The following MARK4 variants were observed in gnomAD, a reference collection of about 807,000 sequenced individuals.
The protein encoded by MARK4 is MAP/microtubule affinity-regulating kinase 4.
Under a neutral mutation model 81.5 loss-of-function variants are expected in MARK4, and 19 were observed. The observed-to-expected ratio is 0.23, with a 90% CI of 0.16 to 0.34. MARK4 has a LOEUF of 0.34. Ranked by LOEUF, MARK4 falls within the 10% of genes least tolerant of loss-of-function variation. The probability of loss-of-function intolerance (pLI) is 1.00; values close to 1 mark genes in which losing one functional copy is unlikely to be tolerated. For synonymous variants in MARK4, 436 were observed against 439.0 expected (o/e 0.99, Z 0.08); for missense variants, 772 against 1,058.8 (o/e 0.73, Z 3.76).
intron 2 of MARK4, among the ~76,000 whole-genome samples, chr19:45,260,697 AAAATAAAT>A (rs71173135): frequency 0.44 from 66,384 of 151,066 alleles, 15,901 homozygotes; most frequent in Non-Finnish European, 0.55. Flanking sequence ...ACCATCTCAA[AAAATAAAT>A]AAATAAATAA....
At chr19:45,282,306 A>C (rs917292646) in intron 12 of MARK4, among the ~76,000 whole-genome samples, 1 of 151,790 alleles carries the variant, frequency 6.6e-6, no homozygotes, top group African/African-American at 2.4e-5. Flanking sequence ...CCCTTCACCC[A>C]CACACTCATC....
In MARK4 at chr19:45,302,604, A is replaced by G; in HGVS notation, c.2153A>G (p.Gln718Arg). Residue 718 changes from glutamine (Q) to arginine (R), a missense_variant, in exon 17 of 17, where the codon CAG becomes CGG. Physicochemically the swap from Gln to Arg is conservative, Grantham distance 43 (BLOSUM62 1). Transcript: ENST00000262891. The surrounding 1 kb of genome is among the most constrained non-coding windows in gnomAD (Gnocchi z 4.9). Reference protein sequence around the residue: ...PLSHFEVEVCQLPRPGLRGVL... With the variant: ...PLSHFEVEVCRLPRPGLRGVL... ...TCCCACTTCGAAGTGGAGGTCTGCC[A>G]GCTGCCCCGGCCAGGCTTGCGGGGA... The G allele has an allele frequency of 6.4e-7, 1 of 1,563,578 alleles. No individual in the cohort carries two copies. The highest frequency in any genetic ancestry group is 8.6e-7 in the Non-Finnish European group (1 of 1,161,674).
At chr19:45,290,649 C>T (rs1568501850) in intron 13 of MARK4, among the ~76,000 whole-genome samples, 1 of 152,182 alleles carries the variant, frequency 6.6e-6, no homozygotes, top group Non-Finnish European at 1.5e-5. Flanking sequence ...TTAACTGTCC[C>T]TGACTGTTGG....
intron 2 of MARK4, among the ~76,000 whole-genome samples, chr19:45,260,793 C>T (rs1970371390): frequency 6.6e-6 from 1 of 152,086 alleles, no homozygotes; most frequent in Admixed American, 6.6e-5. Context: ...ACTTTGGTTC[C>T]TTGAAATCTT....
At chr19:45,278,495 C>A (rs762040398) in intron 9 of MARK4, 21 bp from the exon 10 acceptor site, 12 of 1,607,652 alleles carry the variant, frequency 7.5e-6, no homozygotes, top group African/African-American at 1.3e-5. Flanking sequence ...CTTCCCCCTT[C>A]CCTGCTCCTG....
chr19:45,257,150 G>A (rs924122566), intron 1 of MARK4, among the ~76,000 whole-genome samples: 27 of 151,378 alleles, frequency 1.8e-4, no homozygotes, highest in African/African-American at 5.3e-4. Flanking sequence ...TTCTAGAGAT[G>A]GGTGTCTCGC....
At position 45,271,397 on chromosome 19, in the gene MARK4, C is replaced by A; in HGVS notation, c.550-75C>A. ...GTGGGCCAGCCCTAGAGCCTGTGCT[C>A]CTGTCTGCCTCCCACGTCCATGAAA... is the stretch of plus-strand genomic sequence containing the variant. On this transcript the variant is annotated intron_variant, in intron 7 of 16. Transcript: ENST00000262891. This position sits in a 1 kb window ranked among gnomAD's most constrained non-coding sequence, Gnocchi z 4.1. The A allele has an allele frequency of 6.9e-7, 1 of 1,449,958 alleles. No homozygotes were observed. The highest frequency in any genetic ancestry group is 1.2e-5 in the South Asian group (1 of 80,086). 89.8% of individuals were successfully genotyped at this position (1,449,958 alleles called of 1,614,324 possible). A position where few individuals can be genotyped will look rare whatever the true frequency, so the allele number is the denominator to read the frequency against.
intron 16 of MARK4, among the ~76,000 whole-genome samples, chr19:45,300,788 T>TA (rs1175322061): frequency 1.3e-5 from 2 of 152,122 alleles, no homozygotes; most frequent in Non-Finnish European, 2.9e-5. Flanking sequence ...TGCTCATTCC[T>TA]AAACCAATGC....
chr19:45,293,813 C>G (rs1970849634), intron 13 of MARK4, among the ~76,000 whole-genome samples: 1 of 152,160 alleles, frequency 6.6e-6, no homozygotes, highest in African/African-American at 2.4e-5. Context: ...GTGGGGAGCC[C>G]AGGGGCCTGT....
intron 14 of MARK4, among the ~76,000 whole-genome samples, chr19:45,296,494 C>T (rs138930326): frequency 0.013 from 1,940 of 152,290 alleles, 31 homozygotes; most frequent in African/African-American, 0.044. Context: ...TTTGTAAAGG[C>T]GTCACCCAGA....
chr19:45,302,881 A>C lies in MARK4; in HGVS notation c.*171A>C. On this transcript the variant is annotated 3_prime_UTR_variant, in exon 17 of 17. Coordinates refer to ENST00000262891, the MANE Select transcript of MARK4 (RefSeq NM_001199867.2). The surrounding 1 kb of genome is among the most constrained non-coding windows in gnomAD (Gnocchi z 4.9). ...GCTGTTCTCTGGGGCCGCTCAGCAC[A>C]GAAGAAGGATGAGGGGGCTCAGCGG... is the stretch of plus-strand genomic sequence containing the variant. 1 of 1,111,078 alleles carries C rather than the reference A, an allele frequency of 9.0e-7. No individual in the cohort carries two copies. The highest frequency in any genetic ancestry group is 1.6e-5 in the South Asian group (1 of 60,668). 68.8% of individuals were successfully genotyped at this position (1,111,078 alleles called of 1,614,324 possible).
chr19:45,290,173 ACTT>A (rs1970803097), intron 13 of MARK4, among the ~76,000 whole-genome samples: 1 of 152,228 alleles, frequency 6.6e-6, no homozygotes, highest in Non-Finnish European at 1.5e-5. Flanking sequence ...CATCTTTTTA[ACTT>A]CTTCTTAGTG....
intron 8 of MARK4, among the ~76,000 whole-genome samples, chr19:45,272,403 C>T (rs1463410792): frequency 1.1e-4 from 17 of 152,102 alleles, no homozygotes; most frequent in Non-Finnish European, 7.4e-5. Context: ...AAACATTGTG[C>T]TAAGTGACAG....
intron 7 of MARK4, among the ~76,000 whole-genome samples, chr19:45,267,585 G>A (rs1055249632): frequency 3.3e-5 from 5 of 152,190 alleles, no homozygotes; most frequent in Admixed American, 6.6e-5. Context: ...CTTGACTGTC[G>A]TTTTGTGAGC....
chr19:45,301,861 G>C (rs547780172), intron 16 of MARK4, among the ~76,000 whole-genome samples: 1 of 89,440 alleles, frequency 1.1e-5, no homozygotes, highest in Non-Finnish European at 2.3e-5. Flanking sequence ...GCAAAACTCC[G>C]TCTCAAAAAA....
Position 45,264,288 on chromosome 19 carries a change from G to A in MARK4, c.356-396G>A, listed in dbSNP as rs184839587. ...AGGCCGAGGCGGGTGGATGACCTGA[G>A]GTTGGGAGTTGGAGATCAGCATGAC... On this transcript the variant is annotated intron_variant, in intron 4 of 16. Coordinates refer to ENST00000262891, the MANE Select transcript of MARK4 (RefSeq NM_001199867.2). Among the ~76,000 whole-genome samples, 1,104 of 152,092 alleles carry A rather than the reference G, an allele frequency of 7.3e-3. 18 individuals are homozygous for A. Among genetic ancestry groups the A allele is most frequent in the African/African-American group, 0.025 (1,038 of 41,468 alleles).
chr19:45,281,367 C>CT lies in MARK4; in HGVS notation c.1276+644dup, dbSNP rs71173137. 8.1e-4 allele frequency among the ~76,000 whole-genome samples: 107 copies of CT among 132,038 alleles called. 3 individuals are homozygous for CT. The highest frequency in any genetic ancestry group is 4.8e-3 in the Middle Eastern group (1 of 210). The allele number at this position is 132,038 out of a possible 152,430, so 86.6% of individuals were successfully genotyped here. On this transcript the variant is annotated intron_variant, in intron 12 of 16. Transcript: ENST00000262891. ...CCCAGCCTTTTCTTTTCTTTTCTTT[C>CT]TTTTTTTTTTTGAGACAGAGTCTCA...
At chr19:45,276,836 T>C (rs747135065) in intron 8 of MARK4, among the ~76,000 whole-genome samples, 8 of 151,460 alleles carry the variant, frequency 5.3e-5, no homozygotes, top group Non-Finnish European at 5.9e-5. Context: ...GGTTTCGCCA[T>C]GTTGGCCTGG....
intron 12 of MARK4, among the ~76,000 whole-genome samples, chr19:45,287,202 CAAAA>C (rs139216602): frequency 6.1e-5 from 4 of 65,506 alleles, no homozygotes; most frequent in Admixed American, 1.8e-4. Flanking sequence ...GACTTTGTCT[CAAAA>C]AAAAAAAAAA....
Sources: allele counts gnomAD v4.1 joint callset (sites outside exome capture counted in the v4.1 genomes callset), GRCh38; gene constraint gnomAD v4.1.1; non-coding constraint Gnocchi (gnomAD v3.1); transcripts MANE v1.5; gene names NCBI Gene and HGNC (gene_info 2026-07-23, HGNC 2026-07-21).